The following NWD2 variants were observed in gnomAD, a reference collection of about 807,000 sequenced individuals.
The protein encoded by NWD2 is NACHT and WD repeat domain-containing protein 2.
Under a neutral mutation model 132.7 loss-of-function variants are expected in NWD2, and 37 were observed. That is an observed-to-expected ratio of 0.28 (90% CI 0.21 to 0.37). NWD2 has a LOEUF of 0.37. Ranked by LOEUF, NWD2 falls within the 10% of genes least tolerant of loss-of-function variation. NWD2 has a pLI of 1.00. For missense variants in NWD2, 1,592 were observed against 2,122.4 expected, an observed-to-expected ratio of 0.75 and a Z score of 4.91; for synonymous variants, 705 against 803.0, an observed-to-expected ratio of 0.88 and a Z score of 2.06.
At chr4:37,396,810 A>G (rs960322746) in intron 3 of NWD2, among the ~76,000 whole-genome samples, 2 of 152,136 alleles carry the variant, frequency 1.3e-5, no homozygotes, top group Admixed American at 1.3e-4. Context: ...AGGCGGGTGG[A>G]TCAACTGAGG....
At chr4:37,305,215 G>A (rs1275796794) in intron 1 of NWD2, among the ~76,000 whole-genome samples, 2 of 152,188 alleles carry the variant, frequency 1.3e-5, no homozygotes, top group Non-Finnish European at 2.9e-5. Context: ...GCTGCACACA[G>A]CACAGGGAAC....
intron 1 of NWD2, among the ~76,000 whole-genome samples, chr4:37,312,799 G>T (rs570806244): frequency 2.6e-5 from 4 of 151,122 alleles, no homozygotes; most frequent in Non-Finnish European, 5.9e-5. Context: ...TTTGAGATAT[G>T]TTCCATCAAT....
intron 1 of NWD2, among the ~76,000 whole-genome samples, chr4:37,265,303 A>G (rs1281835411): frequency 6.6e-6 from 1 of 152,136 alleles, no homozygotes; most frequent in Non-Finnish European, 1.5e-5. Flanking sequence ...AGTATGAGAC[A>G]TGGGATTGAC....
chr4:37,245,549 CTTT>C (rs34994440), intron 1 of NWD2, among the ~76,000 whole-genome samples: 3 of 145,510 alleles, frequency 2.1e-5, no homozygotes, highest in Admixed American at 6.8e-5. Flanking sequence ...GTCCCCCGCC[CTTT>C]TTTTTTTTTT....
At chr4:37,405,720 G>A (rs924585984) in intron 3 of NWD2, among the ~76,000 whole-genome samples, 1 of 152,196 alleles carries the variant, frequency 6.6e-6, no homozygotes, top group Admixed American at 6.5e-5. Context: ...ATAGATTAAA[G>A]AGTGAGGTCT....
intron 3 of NWD2, among the ~76,000 whole-genome samples, chr4:37,399,219 GA>G (rs1358796393): frequency 6.6e-6 from 1 of 152,126 alleles, no homozygotes; most frequent in African/African-American, 2.4e-5. Context: ...TCTAGATAAG[GA>G]GTTTGTCACA....
intron 1 of NWD2, among the ~76,000 whole-genome samples, chr4:37,307,038 A>G (rs1456605588): frequency 6.7e-6 from 1 of 149,080 alleles, no homozygotes; most frequent in African/African-American, 2.5e-5. Context: ...AAAAAAAAAA[A>G]GAATGTTCTA....
chr4:37,428,975 G>T (rs1213364143), intron 3 of NWD2, among the ~76,000 whole-genome samples: 1 of 152,080 alleles, frequency 6.6e-6, no homozygotes, highest in Non-Finnish European at 1.5e-5. Context: ...GAGGTGATCT[G>T]CTCGCCTTGG....
chr4:37,376,633 CATTG>C (rs1720355067), intron 3 of NWD2, among the ~76,000 whole-genome samples: 1 of 152,182 alleles, frequency 6.6e-6, no homozygotes, highest in Non-Finnish European at 1.5e-5. Flanking sequence ...ACCTTAATCT[CATTG>C]AATCTCCATT....
At chr4:37,388,275 C>G (rs918292501) in intron 3 of NWD2, among the ~76,000 whole-genome samples, 1 of 152,016 alleles carries the variant, frequency 6.6e-6, no homozygotes, top group African/African-American at 2.4e-5. Flanking sequence ...CCTCCGCCTC[C>G]CAGGTTCAAG....
Position 37,433,882 on chromosome 4 carries a change from C to G in NWD2, c.568C>G (p.Pro190Ala), listed in dbSNP as rs964375106. ...MLRSNRNAMQ[P>A]STNAENEKTW... ...CCCTTTTACATTTCTATAGATGCAGCCTTCTACCAATGCTGAAAACGAGAA... is the reference window on the plus strand; with the variant it reads ...CCCTTTTACATTTCTATAGATGCAGGCTTCTACCAATGCTGAAAACGAGAA... The change falls in exon 5 of 7, where the codon CCT (proline) becomes GCT (alanine). Residue 190 changes from proline (P) to alanine (A), a missense_variant. By Grantham distance (27) the Pro-to-Ala change is conservative. Transcript: ENST00000309447. 7.8e-6 allele frequency: 12 copies of G among 1,542,018 alleles called. No homozygotes were observed. Among genetic ancestry groups the G allele is most frequent in the East Asian group, 2.5e-5 (1 of 40,788 alleles).
intron 3 of NWD2, among the ~76,000 whole-genome samples, chr4:37,372,618 G>A (rs1457527887): frequency 3.3e-5 from 5 of 152,150 alleles, no homozygotes; most frequent in African/African-American, 9.7e-5. Flanking sequence ...GTAACTCAAC[G>A]TTTTAATATG....
chr4:37,409,458 G>GA (rs1157171925), intron 3 of NWD2, among the ~76,000 whole-genome samples: 1 of 151,520 alleles, frequency 6.6e-6, no homozygotes, highest in African/African-American at 2.4e-5. Context: ...CAAGATTATG[G>GA]AAAAAAAATA....
At chr4:37,425,221 T>A (rs765276127) in intron 3 of NWD2, among the ~76,000 whole-genome samples, 1 of 152,222 alleles carries the variant, frequency 6.6e-6, no homozygotes, top group Non-Finnish European at 1.5e-5. Context: ...TTACTACATT[T>A]ACAGTGTTGT....
chr4:37,402,134 C>G (rs922475766), intron 3 of NWD2, among the ~76,000 whole-genome samples: 4 of 152,180 alleles, frequency 2.6e-5, no homozygotes, highest in Non-Finnish European at 4.4e-5. Flanking sequence ...GCTAACTTAC[C>G]CTTATGCCAT....
At chr4:37,277,504 T>G (rs905245897) in intron 1 of NWD2, among the ~76,000 whole-genome samples, 1 of 152,136 alleles carries the variant, frequency 6.6e-6, no homozygotes, top group African/African-American at 2.4e-5. Context: ...CTGATTATTT[T>G]TATTCTGTCA....
At chr4:37,287,069 C>T (rs1718248289) in intron 1 of NWD2, among the ~76,000 whole-genome samples, 1 of 152,148 alleles carries the variant, frequency 6.6e-6, no homozygotes, top group Non-Finnish European at 1.5e-5. Flanking sequence ...CCGCATGGGG[C>T]AGGGGAGCCC....
intron 2 of NWD2, among the ~76,000 whole-genome samples, chr4:37,353,731 G>A (rs1441965304): frequency 6.6e-6 from 1 of 151,952 alleles, no homozygotes. Context: ...GGTTATTCTA[G>A]TTAGCAGTTC....
chr4:37,329,494 G>A (rs928637184), intron 2 of NWD2, among the ~76,000 whole-genome samples: 2 of 152,124 alleles, frequency 1.3e-5, no homozygotes, highest in African/African-American at 4.8e-5. Flanking sequence ...CTGGAGTTGT[G>A]GGGAGGAATC....
Sources: gnomAD v4.1 joint callset for allele counts (sites outside exome capture counted in the v4.1 genomes callset) on GRCh38, gnomAD v4.1.1 for gene constraint, MANE v1.5 for transcripts, NCBI Gene and HGNC (gene_info 2026-07-23, HGNC 2026-07-21) for gene names.